The following ARHGAP12 variants were observed in gnomAD, a reference collection of about 807,000 sequenced individuals.
ARHGAP12 encodes the protein rho GTPase-activating protein 12.
A neutral mutation model predicts 108.6 loss-of-function variants in ARHGAP12; 64 were observed. The observed-to-expected ratio is 0.59, with a 90% CI of 0.48 to 0.73. The LOEUF (loss-of-function observed/expected upper bound fraction) is 0.73. Ranked by LOEUF, ARHGAP12 falls within the 30% of genes least tolerant of loss-of-function variation. The probability of loss-of-function intolerance (pLI) is 0.00; values close to 1 mark genes in which losing one functional copy is unlikely to be tolerated. For synonymous variants in ARHGAP12, 312 were observed against 337.2 expected (o/e 0.93, Z 0.82); for missense variants, 940 against 1,005.9 (o/e 0.93, Z 0.89).
rs774530324 is a variant in ARHGAP12, at chr10:31,854,100, T to C, written c.1055A>G (p.His352Arg). ...GWSEELDERG[H>R]TLYTSDYTNE... Reference sequence around the variant, plus strand: ...AGTATAGTCACTGGTATATAAGGTATGCCCACGTTCATCCAACTCTTCTGA... The same window carrying C: ...AGTATAGTCACTGGTATATAAGGTACGCCCACGTTCATCCAACTCTTCTGA... Residue 352 changes from histidine (H) to arginine (R), a missense_variant, in exon 5 of 20, where the codon CAT becomes CGT. His to Arg is a conservative substitution (Grantham distance 29). Transcript: ENST00000344936. 6.2e-7 allele frequency: 1 copy of C among 1,613,578 alleles called. No homozygotes were observed. Among genetic ancestry groups the C allele is most frequent in the African/African-American group, 1.3e-5 (1 of 74,926 alleles).
At chr10:31,852,247 A>G (rs1836710175) in intron 6 of ARHGAP12, among the ~76,000 whole-genome samples, 1 of 152,200 alleles carries the variant, frequency 6.6e-6, no homozygotes, top group South Asian at 2.1e-4. Flanking sequence ...ATTGGTATTG[A>G]AGAGAATTCT....
At chr10:31,926,535 CT>C (rs1232504580) in intron 1 of ARHGAP12, among the ~76,000 whole-genome samples, 1 of 152,212 alleles carries the variant, frequency 6.6e-6, no homozygotes, top group Non-Finnish European at 1.5e-5. Context: ...TCACTTTTCT[CT>C]CCCATGATTT....
Position 31,889,619 on chromosome 10 carries a change from G to GTTTT in ARHGAP12, c.684+18549_684+18552dup, listed in dbSNP as rs869116452. Among the ~76,000 whole-genome samples the GTTTT allele has an allele frequency of 2.2e-3, 146 of 66,448 alleles. 1 individual carries two copies. Among genetic ancestry groups the GTTTT allele is most frequent in the Non-Finnish European group, 3.0e-3 (113 of 37,880 alleles). 43.6% of individuals were successfully genotyped at this position (66,448 alleles called of 152,430 possible). On this transcript the variant is annotated intron_variant, in intron 3 of 19. Transcript: ENST00000344936. ...TGATTTTCTTTTCTTAATTTTTCTC[G>GTTTT]TTTTTTTTTTTTTTTTTTTTTTTTT...
At chr10:31,848,281 C>G (rs1299463854) in intron 6 of ARHGAP12, among the ~76,000 whole-genome samples, 1 of 152,170 alleles carries the variant, frequency 6.6e-6, no homozygotes, top group African/African-American at 2.4e-5. Flanking sequence ...AGTAGGTGAT[C>G]TGTCCTTTCC....
intron 9 of ARHGAP12, among the ~76,000 whole-genome samples, chr10:31,837,646 A>G (rs1203844413): frequency 6.6e-6 from 1 of 152,222 alleles, no homozygotes; most frequent in Non-Finnish European, 1.5e-5. Context: ...GCCTAAGCCA[A>G]CATCAGAAGG....
In ARHGAP12 at chr10:31,807,281, T is replaced by C. The variant is rs1413795870; in HGVS notation, c.*377A>G. On this transcript the variant is annotated 3_prime_UTR_variant, in exon 20 of 20. Coordinates refer to ENST00000344936, the MANE Select transcript of ARHGAP12 (RefSeq NM_018287.7). ...CAACATAACTGAAAGTATTGTTCTA[T>C]CAAGTCATGAATCTTGAGAAGAAAG... 1 of 158,902 alleles carries C rather than the reference T, an allele frequency of 6.3e-6. No homozygotes were observed. The highest frequency in any genetic ancestry group is 2.4e-5 in the African/African-American group (1 of 41,728). 9.8% of individuals were successfully genotyped at this position (158,902 alleles called of 1,614,324 possible).
intron 13 of ARHGAP12, among the ~76,000 whole-genome samples, chr10:31,814,747 G>C (rs1592244295): frequency 1.3e-5 from 2 of 152,074 alleles, no homozygotes; most frequent in East Asian, 1.9e-4. Flanking sequence ...TCTACACATG[G>C]ACCTGACAAG....
chr10:31,889,621 T>G (rs1279446202), intron 3 of ARHGAP12, among the ~76,000 whole-genome samples: 2 of 83,626 alleles, frequency 2.4e-5, no homozygotes, highest in African/African-American at 5.2e-5. Flanking sequence ...TTTTTCTCGT[T>G]TTTTTTTTTT....
chr10:31,811,680 A>ATTTTATTTT (rs1554773367), intron 15 of ARHGAP12, among the ~76,000 whole-genome samples: 3 of 149,910 alleles, frequency 2.0e-5, no homozygotes, highest in Admixed American at 1.3e-4. Context: ...ATTTTATTTT[A>ATTTTATTTT]TTTTTTTTAA....
chr10:31,916,973 A>C (rs1839584098), intron 1 of ARHGAP12, among the ~76,000 whole-genome samples: 1 of 152,192 alleles, frequency 6.6e-6, no homozygotes, highest in African/African-American at 2.4e-5. Context: ...AGATACGTAT[A>C]ACCTATTTAG....
intron 3 of ARHGAP12, among the ~76,000 whole-genome samples, chr10:31,886,912 T>C (rs936601798): frequency 3.3e-5 from 5 of 152,176 alleles, no homozygotes; most frequent in Non-Finnish European, 7.3e-5. Flanking sequence ...ATTTTACACA[T>C]GATCTTCAGG....
chr10:31,899,053 T>C (rs74127867), intron 3 of ARHGAP12, among the ~76,000 whole-genome samples: 2 of 152,152 alleles, frequency 1.3e-5, no homozygotes, highest in African/African-American at 2.4e-5. Context: ...TTTAGTCAAG[T>C]GCAAGAAAGC....
At chr10:31,807,894 G>T in intron 19 of ARHGAP12, 62 bp from the exon 20 acceptor site, 1 of 1,273,430 alleles carries the variant, frequency 7.9e-7, no homozygotes, top group Non-Finnish European at 1.1e-6. Context: ...TTCTTCAAAT[G>T]GTATTATAAA....
intron 11 of ARHGAP12, among the ~76,000 whole-genome samples, chr10:31,821,103 T>C (rs1835400460): frequency 6.6e-6 from 1 of 152,118 alleles, no homozygotes; most frequent in Non-Finnish European, 1.5e-5. Context: ...CCTTATTGAG[T>C]AGTTACGCTG....
At chr10:31,816,913 T>C (rs1477566820) in intron 13 of ARHGAP12, among the ~76,000 whole-genome samples, 1 of 152,236 alleles carries the variant, frequency 6.6e-6, no homozygotes, top group East Asian at 1.9e-4. Context: ...TATAGCTTCA[T>C]AACTAATTTG....
intron 3 of ARHGAP12, among the ~76,000 whole-genome samples, chr10:31,866,777 G>A (rs1399714464): frequency 2.0e-5 from 3 of 151,876 alleles, no homozygotes; most frequent in Non-Finnish European, 2.9e-5. Context: ...CACCATGCCC[G>A]GCTAATTTTA....
At chr10:31,843,934 G>A (rs560709463) in intron 6 of ARHGAP12, among the ~76,000 whole-genome samples, 1 of 152,268 alleles carries the variant, frequency 6.6e-6, no homozygotes, top group South Asian at 2.1e-4. Flanking sequence ...AGTATTAAAA[G>A]AGTAGTATAT....
chr10:31,833,130 G>A (rs1835892803), intron 9 of ARHGAP12, among the ~76,000 whole-genome samples: 1 of 151,718 alleles, frequency 6.6e-6, no homozygotes, highest in African/African-American at 2.4e-5. Flanking sequence ...AGCTGCATAA[G>A]ATGTTAAAGA....
intron 3 of ARHGAP12, among the ~76,000 whole-genome samples, chr10:31,872,009 C>G (rs1168382330): frequency 6.6e-6 from 1 of 152,200 alleles, no homozygotes; most frequent in South Asian, 2.1e-4. Flanking sequence ...CATCATAGTA[C>G]TTACGACACT....
Sources: gnomAD v4.1 joint callset for allele counts (sites outside exome capture counted in the v4.1 genomes callset) on GRCh38, gnomAD v4.1.1 for gene constraint, MANE v1.5 for transcripts, NCBI Gene and HGNC (gene_info 2026-07-23, HGNC 2026-07-21) for gene names.